Variants in PPHLN1 observed in about 807,000 individuals in gnomAD.
The protein encoded by PPHLN1 is periphilin-1.
A neutral mutation model predicts 51.3 loss-of-function variants in PPHLN1; 29 were observed. The ratio of observed to expected loss-of-function variants is 0.57; its 90% CI spans 0.42 to 0.77. The LOEUF (loss-of-function observed/expected upper bound fraction) is 0.77. Ranked by LOEUF, PPHLN1 falls within the 30% of genes least tolerant of loss-of-function variation. The pLI, the probability that PPHLN1 is intolerant of heterozygous loss-of-function variation, is 0.00. For synonymous variants in PPHLN1, 147 were observed against 147.8 expected (o/e 0.99, Z 0.04); for missense variants, 436 against 438.4 (o/e 0.99, Z 0.05).
intron 3 of PPHLN1, among the ~76,000 whole-genome samples, chr12:42,353,438 T>C (rs993482797): frequency 1.4e-4 from 22 of 152,230 alleles, no homozygotes; most frequent in Middle Eastern, 3.2e-3. Flanking sequence ...AGGATCGGTA[T>C]GTATGGGAGT....
Position 42,388,101 on chromosome 12 carries a change from G to A in PPHLN1, c.648+566G>A, listed in dbSNP as rs184952209. Among the ~76,000 whole-genome samples, 548 of 152,318 alleles carry A rather than the reference G, an allele frequency of 3.6e-3. 5 individuals carry two copies. The highest frequency in any genetic ancestry group is 0.013 in the African/African-American group (530 of 41,570). On this transcript the variant is annotated intron_variant, in intron 7 of 9. Coordinates refer to ENST00000358314, the MANE Select transcript of PPHLN1 (RefSeq NM_201439.2). The stretch of plus-strand genomic sequence containing the variant: ...AGTCTGAAATATGGCCTTGTGGGAT[G>A]AGAATGACCTGACCATCCCCCAGCC...
At chr12:42,433,567 C>A (rs1796397) in intron 9 of PPHLN1, among the ~76,000 whole-genome samples, 42,607 of 152,136 alleles carry the variant, frequency 0.28, 7,331 homozygotes, top group Non-Finnish European at 0.38. Flanking sequence ...TCGTGATCCA[C>A]CTGCCTCAGC....
chr12:42,364,182 C>T (rs1305502148), intron 4 of PPHLN1, among the ~76,000 whole-genome samples: 3 of 152,148 alleles, frequency 2.0e-5, no homozygotes, highest in Non-Finnish European at 4.4e-5. Flanking sequence ...CAAGATTGCA[C>T]CACTGTACTC....
intron 5 of PPHLN1, among the ~76,000 whole-genome samples, chr12:42,376,808 AGT>A (rs1211656538): frequency 6.6e-6 from 1 of 152,166 alleles, no homozygotes; most frequent in Non-Finnish European, 1.5e-5. Context: ...TAAATAAATA[AGT>A]AAATAAATAA....
chr12:42,355,050 T>G (rs995983819), intron 3 of PPHLN1, 111 bp from the exon 4 acceptor site: 22 of 908,236 alleles, frequency 2.4e-5, no homozygotes, highest in Non-Finnish European at 3.4e-5. Flanking sequence ...TCCCTTTTTA[T>G]GCCTTTGAAG....
chr12:42,424,171 C>T (rs528235620), intron 9 of PPHLN1, among the ~76,000 whole-genome samples: 1 of 152,274 alleles, frequency 6.6e-6, no homozygotes, highest in Admixed American at 6.5e-5. Flanking sequence ...GCACTGCTCC[C>T]AGAAGGCCAG....
rs559599305 is a variant in PPHLN1, at chr12:42,393,882, T to A, written c.768+193T>A. ...ATTCAGTAATCACGCTTTGTCTGAATGTTTCCTGTAGTTTTGGTGTGTAAG... is the reference window on the plus strand; with the variant it reads ...ATTCAGTAATCACGCTTTGTCTGAAAGTTTCCTGTAGTTTTGGTGTGTAAG... On this transcript the variant is annotated intron_variant, in intron 8 of 9. Coordinates refer to ENST00000358314, the MANE Select transcript of PPHLN1 (RefSeq NM_201439.2). 3.3e-5 allele frequency among the ~76,000 whole-genome samples: 5 copies of A among 152,266 alleles called. No individual in the cohort carries two copies. In the East Asian group the frequency reaches 9.6e-4, roughly 29 times the overall value.
intron 8 of PPHLN1, among the ~76,000 whole-genome samples, chr12:42,397,745 T>C (rs1273819331): frequency 1.3e-5 from 2 of 152,118 alleles, no homozygotes; most frequent in Non-Finnish European, 2.9e-5. Context: ...ACTAGGTTTG[T>C]TTGTTTTTTG....
intron 9 of PPHLN1, among the ~76,000 whole-genome samples, chr12:42,413,311 T>A (rs2080041379): frequency 6.6e-6 from 1 of 152,148 alleles, no homozygotes; most frequent in Non-Finnish European, 1.5e-5. Context: ...GAGATAGAGA[T>A]CCGGTTTCAT....
intron 4 of PPHLN1, among the ~76,000 whole-genome samples, chr12:42,368,489 A>T (rs2075493068): frequency 6.6e-6 from 1 of 152,192 alleles, no homozygotes; most frequent in African/African-American, 2.4e-5. Context: ...CTATGTCTGG[A>T]GAGGTTAGGA....
At chr12:42,400,276 G>A (rs1305363693) in intron 9 of PPHLN1, 2 of 151,422 alleles carry the variant, frequency 1.3e-5, no homozygotes, top group African/African-American at 2.4e-5. Flanking sequence ...AGACCATCCC[G>A]GCTAAAACGG....
intron 2 of PPHLN1, among the ~76,000 whole-genome samples, chr12:42,345,914 T>A (rs1176946840): frequency 6.6e-6 from 1 of 152,124 alleles, no homozygotes; most frequent in Non-Finnish European, 1.5e-5. Context: ...TTTTTATTTT[T>A]GTTTACTTAT....
Position 42,398,865 on chromosome 12 carries a change from A to G in PPHLN1, c.780A>G (p.Thr260=). Residue 260 remains threonine (T), a synonymous_variant, in exon 9 of 10, where the codon ACA becomes ACG. Transcript: ENST00000358314. ...AATTCCTTTTCAAGGCGGGATCCAC[A>G]GCACCATTGTTTACTGACCAGCCAG... ...PEISEYEAGS[T]APLFTDQPEE... 9 of 1,613,604 alleles carry G rather than the reference A, an allele frequency of 5.6e-6. No individual in the cohort carries two copies. The highest frequency in any genetic ancestry group is 7.6e-6 in the Non-Finnish European group (9 of 1,179,812).
intron 9 of PPHLN1, chr12:42,433,290 C>A: frequency 3.1e-6 from 2 of 644,402 alleles, no homozygotes; most frequent in South Asian, 3.0e-5. Flanking sequence ...TGGAGGTAAT[C>A]TAACCTCATT....
rs2082039804 is a variant in PPHLN1 at position 42,431,582 on chromosome 12, A to G, written c.910-9733A>G. The G allele has an allele frequency of 1.9e-5, 12 of 644,994 alleles. No individual in the cohort carries two copies. The Admixed American group carries it at 2.6e-4, about 14-fold the overall frequency. 40.0% of individuals were successfully genotyped at this position (644,994 alleles called of 1,614,324 possible). A position where few individuals can be genotyped will look rare whatever the true frequency, so the allele number is the denominator to read the frequency against. On this transcript the variant is annotated intron_variant, in intron 9 of 9. Coordinates refer to ENST00000358314, the MANE Select transcript of PPHLN1 (RefSeq NM_201439.2). The stretch of plus-strand genomic sequence containing the variant: ...TGAAAGTGCGATGCAAAGACTGGCG[A>G]TCCATATTCTATCTTTGGCAAGCTT...
intron 5 of PPHLN1, 71 bp downstream of exon 5, chr12:42,375,145 C>A: frequency 8.4e-7 from 1 of 1,190,240 alleles, no homozygotes; most frequent in East Asian, 2.5e-5. Flanking sequence ...GTCAGATTTC[C>A]TTCTAGGTGT....
chr12:42,445,296 C>A, downstream of PPHLN1: 1 of 587,136 alleles, frequency 1.7e-6, no homozygotes, highest in Non-Finnish European at 3.0e-6. Context: ...CTTAACTAAA[C>A]AATGTCAACT....
intron 4 of PPHLN1, among the ~76,000 whole-genome samples, chr12:42,360,548 C>T (rs573817205): frequency 9.2e-5 from 13 of 141,354 alleles, no homozygotes; most frequent in African/African-American, 2.2e-4. Context: ...CAGGCTGGAG[C>T]GCAATGGTGT....
Position 42,326,198 on chromosome 12 carries a change from C to G in PPHLN1, c.-52C>G, listed in dbSNP as rs999717339. On this transcript the variant is annotated 5_prime_UTR_variant, in exon 1 of 10. Coordinates refer to ENST00000358314, the MANE Select transcript of PPHLN1 (RefSeq NM_201439.2). Reference sequence around the variant, plus strand: ...GATAACGGCGGCGAGCGGACGGCTGCATTTACGGGGTCTCCCGGAGGGCCA... The same window carrying G: ...GATAACGGCGGCGAGCGGACGGCTGGATTTACGGGGTCTCCCGGAGGGCCA... 1.3e-5 allele frequency: 2 copies of G among 152,286 alleles called. No individual in the cohort carries two copies. Among genetic ancestry groups the G allele is most frequent in the Non-Finnish European group, 1.5e-5 (1 of 68,132 alleles). The allele number at this position is 152,286 out of a possible 1,614,324, so 9.4% of individuals were successfully genotyped here.
Sources: gnomAD v4.1 joint callset for allele counts (sites outside exome capture counted in the v4.1 genomes callset) on GRCh38, gnomAD v4.1.1 for gene constraint, MANE v1.5 for transcripts, NCBI Gene and HGNC (gene_info 2026-07-23, HGNC 2026-07-21) for gene names.